The following DISC1 variants were observed in gnomAD, a reference collection of about 807,000 sequenced individuals.
The protein encoded by DISC1 is disrupted in schizophrenia 1 protein.
Under a neutral mutation model 84.5 loss-of-function variants are expected in DISC1, and 57 were observed. The ratio of observed to expected loss-of-function variants is 0.67; its 90% CI spans 0.55 to 0.84. DISC1 has a LOEUF of 0.84. DISC1 is among the 40% of genes least tolerant of loss of function. DISC1 has a pLI of 0.00. For synonymous variants in DISC1, 411 were observed against 415.2 expected, an observed-to-expected ratio of 0.99 and a Z score of 0.12; for missense variants, 1,000 against 1,057.8, an observed-to-expected ratio of 0.95 and a Z score of 0.76.
intron 9 of DISC1, among the ~76,000 whole-genome samples, chr1:231,948,861 ATTTTTTTTTTT>A (rs58931988): frequency 1.1e-5 from 1 of 94,456 alleles, no homozygotes; most frequent in Admixed American, 1.3e-4. Flanking sequence ...TCCTGTGTTA[ATTTTTTTTTTT>A]TTTTTTTTTT....
In DISC1 at chr1:232,036,798, C is replaced by T; in HGVS notation, c.2532C>T (p.Cys844=). ...GAGAAAGAGAAGCTGCAGCTTCCTG[C>T]ATGACAGCTGGTGTCCACGAAGCAC... ...EAGEREAAAS[C]MTAGVHEAQA Residue 844 remains cysteine, a synonymous_variant, in exon 13 of 13, where the codon TGC becomes TGT. Coordinates refer to ENST00000439617, the MANE Select transcript of DISC1 (RefSeq NM_018662.3). 6.3e-7 allele frequency: 1 copy of T among 1,596,352 alleles called. No individual in the cohort carries two copies. The highest frequency in any genetic ancestry group is 8.6e-7 in the Non-Finnish European group (1 of 1,168,930).
At chr1:231,756,911 A>C (rs1187306016) in intron 4 of DISC1, among the ~76,000 whole-genome samples, 1 of 152,192 alleles carries the variant, frequency 6.6e-6, no homozygotes, top group Non-Finnish European at 1.5e-5. Flanking sequence ...TAGTTGCTAA[A>C]ATTTTTTTAA....
chr1:231,808,953 T>C (rs2079996934), intron 8 of DISC1, among the ~76,000 whole-genome samples: 1 of 152,184 alleles, frequency 6.6e-6, no homozygotes, highest in South Asian at 2.1e-4. Flanking sequence ...GGCAGTCCTT[T>C]GTCCCTGGGC....
intron 1 of DISC1, among the ~76,000 whole-genome samples, chr1:231,654,594 A>G (rs1386481688): frequency 2.6e-5 from 4 of 152,152 alleles, no homozygotes; most frequent in African/African-American, 9.7e-5. Context: ...AGCTTTGTAT[A>G]CTTTGACTAA....
At chr1:231,708,969 A>G (rs2067451785) in intron 3 of DISC1, among the ~76,000 whole-genome samples, 1 of 152,248 alleles carries the variant, frequency 6.6e-6, no homozygotes, top group Admixed American at 6.5e-5. Flanking sequence ...TTCTCAGAAG[A>G]GCATAAGCTT....
chr1:231,718,964 T>C (rs1166542907), intron 3 of DISC1, among the ~76,000 whole-genome samples: 1 of 152,060 alleles, frequency 6.6e-6, no homozygotes, highest in East Asian at 1.9e-4. Flanking sequence ...CAGGACCCCA[T>C]GTCTATAAAA....
chr1:231,646,476 T>G (rs2125238631), intron 1 of DISC1, among the ~76,000 whole-genome samples: 1 of 152,316 alleles, frequency 6.6e-6, no homozygotes, highest in Non-Finnish European at 1.5e-5. Flanking sequence ...AGCGTGCATG[T>G]GTCTTTCTAG....
At chr1:231,754,321 A>C (rs992479862) in intron 4 of DISC1, among the ~76,000 whole-genome samples, 3 of 152,206 alleles carry the variant, frequency 2.0e-5, no homozygotes, top group Admixed American at 1.3e-4. Context: ...TGCAGGATGT[A>C]CAGGAAGCAT....
chr1:231,938,163 C>T (rs138176504), intron 9 of DISC1, among the ~76,000 whole-genome samples: 4 of 152,184 alleles, frequency 2.6e-5, no homozygotes, highest in Admixed American at 6.5e-5. Flanking sequence ...CCCCAGAACC[C>T]GGTGAAGATG....
intron 9 of DISC1, among the ~76,000 whole-genome samples, chr1:231,910,876 A>G (rs752093267): frequency 7.2e-5 from 11 of 152,202 alleles, no homozygotes; most frequent in Non-Finnish European, 1.6e-4. Context: ...GTGTGCATAT[A>G]TATTTAGGAT....
intron 1 of DISC1, among the ~76,000 whole-genome samples, chr1:231,677,379 G>A (rs189730018): frequency 2.0e-5 from 3 of 152,266 alleles, no homozygotes; most frequent in African/African-American, 7.2e-5. Flanking sequence ...GAGAAAATTC[G>A]TAGCTCTTCT....
At chr1:231,728,362 T>G (rs966073134) in intron 3 of DISC1, among the ~76,000 whole-genome samples, 4 of 152,212 alleles carry the variant, frequency 2.6e-5, no homozygotes, top group Non-Finnish European at 4.4e-5. Flanking sequence ...GCGGTAGATG[T>G]TCGGGAGGCA....
intron 4 of DISC1, among the ~76,000 whole-genome samples, chr1:231,761,337 T>G (rs2075644570): frequency 6.6e-6 from 1 of 152,198 alleles, no homozygotes; most frequent in African/African-American, 2.4e-5. Context: ...ACTTTGAGAA[T>G]TATTAAATAT....
intron 9 of DISC1, among the ~76,000 whole-genome samples, chr1:231,918,346 A>T (rs1478297949): frequency 1.3e-5 from 2 of 152,310 alleles, no homozygotes; most frequent in African/African-American, 4.8e-5. Flanking sequence ...CAGAGGATAG[A>T]CTCAGAGCTG....
chr1:232,018,917 G>A (rs200935891), intron 11 of DISC1, among the ~76,000 whole-genome samples: 1 of 152,182 alleles, frequency 6.6e-6, no homozygotes. Context: ...CATCCAGAAA[G>A]GTTCTTCTTG....
At chr1:231,829,576 T>C (rs2082081689) in intron 9 of DISC1, among the ~76,000 whole-genome samples, 1 of 152,182 alleles carries the variant, frequency 6.6e-6, no homozygotes, top group African/African-American at 2.4e-5. Flanking sequence ...GGTCTCGAAC[T>C]CCTGGGCTCA....
intron 9 of DISC1, among the ~76,000 whole-genome samples, chr1:231,922,224 CTT>C (rs1489728766): frequency 6.6e-6 from 1 of 152,176 alleles, no homozygotes; most frequent in African/African-American, 2.4e-5. Flanking sequence ...AAATATTGCA[CTT>C]ACAGCTCCTG....
intron 10 of DISC1, among the ~76,000 whole-genome samples, chr1:231,960,511 C>G (rs1287087404): frequency 1.3e-5 from 2 of 152,204 alleles, no homozygotes; most frequent in African/African-American, 4.8e-5. Flanking sequence ...CTTGGCCTCC[C>G]AAAGTGCTGG....
At chr1:231,980,281 A>G (rs1415907583) in intron 10 of DISC1, among the ~76,000 whole-genome samples, 2 of 152,346 alleles carry the variant, frequency 1.3e-5, no homozygotes, top group African/African-American at 4.8e-5. Flanking sequence ...AAAACTCCCT[A>G]GGCTTGGGAA....
Sources: allele counts gnomAD v4.1 joint callset (sites outside exome capture counted in the v4.1 genomes callset), GRCh38; gene constraint gnomAD v4.1.1; transcripts MANE v1.5; gene names NCBI Gene and HGNC (gene_info 2026-07-23, HGNC 2026-07-21).